DOCK3: variants seen among roughly 807,000 people sequenced by gnomAD.
DOCK3 encodes dedicator of cytokinesis protein 3.
Under a neutral mutation model 265.6 loss-of-function variants are expected in DOCK3, and 60 were observed. The ratio of observed to expected loss-of-function variants is 0.23; its 90% CI spans 0.18 to 0.28. The LOEUF is 0.28. Among genes scored for constraint, DOCK3 ranks in the 10% least tolerant of loss-of-function variants. DOCK3 has a pLI of 1.00. For missense variants in DOCK3, 1,981 were observed against 2,594.3 expected (o/e 0.76, Z 5.14); for synonymous variants, 881 against 938.0 (o/e 0.94, Z 1.11).
At chr3:50,965,561 C>T (rs181219194) in intron 5 of DOCK3, among the ~76,000 whole-genome samples, 179 of 152,118 alleles carry the variant, frequency 1.2e-3, no homozygotes, top group Admixed American at 2.9e-3. Flanking sequence ...CCATGAAAGA[C>T]GTAAACTACT....
chr3:51,358,774 T>C (rs2086539071), intron 46 of DOCK3, among the ~76,000 whole-genome samples: 1 of 152,196 alleles, frequency 6.6e-6, no homozygotes. Flanking sequence ...ACAGTAGGGT[T>C]TGGCCCAAGG....
At chr3:50,952,338 T>TC (rs2076615519) in intron 5 of DOCK3, among the ~76,000 whole-genome samples, 1 of 152,142 alleles carries the variant, frequency 6.6e-6, no homozygotes, top group Non-Finnish European at 1.5e-5. Context: ...ACAGCAGTGT[T>TC]TAGAGATGGC....
At chr3:51,062,087 C>T (rs1054027030) in intron 5 of DOCK3, among the ~76,000 whole-genome samples, 4 of 152,142 alleles carry the variant, frequency 2.6e-5, no homozygotes, top group African/African-American at 9.7e-5. Context: ...AACTGTTGCA[C>T]TAAATAGCCT....
intron 49 of DOCK3, among the ~76,000 whole-genome samples, chr3:51,367,365 C>A (rs1282215294): frequency 1.3e-5 from 2 of 152,082 alleles, no homozygotes; most frequent in African/African-American, 2.4e-5. Flanking sequence ...CCATCCCTTT[C>A]TTTTGAGCCT....
chr3:51,107,274 A>G (rs1307976681), intron 9 of DOCK3, among the ~76,000 whole-genome samples: 1 of 152,234 alleles, frequency 6.6e-6, no homozygotes, highest in Non-Finnish European at 1.5e-5. Context: ...CCAGTGCAAG[A>G]ACTCTGACAA....
chr3:50,987,009 G>A (rs1024233740), intron 5 of DOCK3, among the ~76,000 whole-genome samples: 1 of 152,098 alleles, frequency 6.6e-6, no homozygotes, highest in African/African-American at 2.4e-5. Context: ...TAGTCCATTT[G>A]GTCTTTCCTG....
chr3:50,846,664 T>C (rs1235870112), intron 3 of DOCK3, among the ~76,000 whole-genome samples: 2 of 152,190 alleles, frequency 1.3e-5, no homozygotes, highest in Non-Finnish European at 2.9e-5. Context: ...AGGTTTTTTA[T>C]TACTGATTCA....
intron 5 of DOCK3, among the ~76,000 whole-genome samples, chr3:50,957,063 C>A (rs578139503): frequency 6.6e-6 from 1 of 152,210 alleles, no homozygotes; most frequent in South Asian, 2.1e-4. Context: ...CCGTGCCCAG[C>A]CCCAGAGTAT....
chr3:50,856,202 G>A (rs1377773572), intron 3 of DOCK3, among the ~76,000 whole-genome samples: 2 of 152,220 alleles, frequency 1.3e-5, no homozygotes, highest in Non-Finnish European at 2.9e-5. Context: ...TATATACCCA[G>A]TAATGGGATT....
chr3:51,301,187 C>T (rs1036434859), intron 27 of DOCK3, among the ~76,000 whole-genome samples: 1 of 152,096 alleles, frequency 6.6e-6, no homozygotes, highest in Admixed American at 6.5e-5. Flanking sequence ...AATTTACATG[C>T]CTAAAGGTGT....
intron 12 of DOCK3, among the ~76,000 whole-genome samples, chr3:51,198,579 C>CA (rs33915233): frequency 0.051 from 6,670 of 131,134 alleles, 646 homozygotes; most frequent in African/African-American, 0.17. Context: ...GACAGGTCAC[C>CA]AAAAAAAAAA....
chr3:50,970,944 T>A (rs1227875128), intron 5 of DOCK3, among the ~76,000 whole-genome samples: 1 of 73,684 alleles, frequency 1.4e-5, no homozygotes, highest in Non-Finnish European at 2.5e-5. Context: ...TATATATATA[T>A]ATAATGTGTG....
chr3:51,374,675 T>C lies in DOCK3; in HGVS notation c.5412+88T>C. 2 of 1,246,952 alleles carry C rather than the reference T, an allele frequency of 1.6e-6. No individual in the cohort carries two copies. Among genetic ancestry groups the C allele is most frequent in the Non-Finnish European group, 2.3e-6 (2 of 875,700 alleles). The allele number at this position is 1,246,952 out of a possible 1,614,324, so 77.2% of individuals were successfully genotyped here. On this transcript the variant is annotated intron_variant, in intron 50 of 52. Coordinates refer to ENST00000266037, the MANE Select transcript of DOCK3 (RefSeq NM_004947.5). The surrounding 1 kb of genome is among the most constrained non-coding windows in gnomAD (Gnocchi z 4.8). ...TGCATTTGCGGGGCCTTCTGCATTG[T>C]CCTACATGGCTCTCTCATTCCGCTG...
intron 32 of DOCK3, among the ~76,000 whole-genome samples, chr3:51,324,720 T>G (rs1236674124): frequency 6.6e-6 from 1 of 152,084 alleles, no homozygotes; most frequent in Non-Finnish European, 1.5e-5. Flanking sequence ...AAAACAGATA[T>G]ATAGACCAAT....
At position 50,724,147 on chromosome 3, in the gene DOCK3, A is replaced by G. The variant is rs2037660792; in HGVS notation, c.37+48847A>G. The stretch of plus-strand genomic sequence containing the variant: ...ATGCAAATCAAAACCACAATGAGAT[A>G]CCATCTCATGCCAGTTAGAATGGCG... On this transcript the variant is annotated intron_variant, in intron 1 of 52. Transcript: ENST00000266037. 5.3e-5 allele frequency among the ~76,000 whole-genome samples: 8 copies of G among 152,106 alleles called. No homozygotes were observed. The South Asian group carries it at 1.7e-3, about 31-fold the overall frequency.
At chr3:51,063,427 A>T (rs1191351500) in intron 5 of DOCK3, among the ~76,000 whole-genome samples, 1 of 152,186 alleles carries the variant, frequency 6.6e-6, no homozygotes, top group East Asian at 1.9e-4. Flanking sequence ...TAGTTATAAG[A>T]TCACTGCCAC....
intron 1 of DOCK3, among the ~76,000 whole-genome samples, chr3:50,690,455 A>AT (rs1487944318): frequency 1.3e-5 from 2 of 152,064 alleles, no homozygotes; most frequent in Admixed American, 1.3e-4. Flanking sequence ...ATATAGTTCC[A>AT]TGGCATTAAG....
intron 12 of DOCK3, among the ~76,000 whole-genome samples, chr3:51,186,272 C>G (rs924705744): frequency 6.6e-6 from 1 of 152,124 alleles, no homozygotes; most frequent in Non-Finnish European, 1.5e-5. Context: ...AGACCAGCAG[C>G]CTTTTGCCCC....
chr3:50,835,746 A>G (rs2045470446), intron 2 of DOCK3, among the ~76,000 whole-genome samples: 1 of 152,226 alleles, frequency 6.6e-6, no homozygotes, highest in South Asian at 2.1e-4. Context: ...TTTTTGTAGC[A>G]GATTCTGGAT....
Sources: gnomAD v4.1 joint callset for allele counts (sites outside exome capture counted in the v4.1 genomes callset) on GRCh38, gnomAD v4.1.1 for gene constraint, Gnocchi (gnomAD v3.1) non-coding constraint, MANE v1.5 for transcripts, NCBI Gene and HGNC (gene_info 2026-07-23, HGNC 2026-07-21) for gene names.